Variants in NFIB observed in about 807,000 individuals in gnomAD.
NFIB encodes the protein nuclear factor 1 B-type.
Under a neutral mutation model 61.5 loss-of-function variants are expected in NFIB, and 11 were observed. The ratio of observed to expected loss-of-function variants is 0.18; its 90% CI spans 0.11 to 0.30. NFIB has a LOEUF of 0.30. Ranked by LOEUF, NFIB falls within the 10% of genes least tolerant of loss-of-function variation. NFIB has a pLI of 1.00. For synonymous variants in NFIB, 260 were observed against 216.5 expected (o/e 1.20, Z -1.76); for missense variants, 471 against 608.9 (o/e 0.77, Z 2.38).
At chr9:14,098,263 T>A (rs1302837331) in intron 10 of NFIB, among the ~76,000 whole-genome samples, 1 of 152,176 alleles carries the variant, frequency 6.6e-6, no homozygotes, top group Admixed American at 6.5e-5. Flanking sequence ...GAAGACTTCT[T>A]CTATGTTTAC....
At chr9:14,490,235 T>G in the NFIB span, among the ~76,000 whole-genome samples, 1 of 152,140 alleles carries the variant, frequency 6.6e-6, no homozygotes, top group African/African-American at 2.4e-5. Flanking sequence ...AGTGTTTTGA[T>G]TGATAGAGCA....
intron 3 of NFIB, among the ~76,000 whole-genome samples, chr9:14,168,704 T>G (rs534238583): frequency 6.6e-6 from 1 of 152,238 alleles, no homozygotes; most frequent in African/African-American, 2.4e-5. Flanking sequence ...CTACAGAGAT[T>G]AGGAAATGAT....
At chr9:14,088,356 G>A (rs1297717408) in intron 10 of NFIB, 30 bp from the exon 11 acceptor site, 3 of 1,463,828 alleles carry the variant, frequency 2.0e-6, no homozygotes, top group Admixed American at 2.2e-5. Context: ...AGCAGGGAGG[G>A]AAGAAAAAAG....
At chr9:14,358,039 AG>A (rs1409798438) in intron 1 of NFIB, 1 of 152,122 alleles carries the variant, frequency 6.6e-6, no homozygotes, top group Non-Finnish European at 1.5e-5. Context: ...GTTTCTTTTT[AG>A]GTTGATTAAA....
intron 1 of NFIB, among the ~76,000 whole-genome samples, chr9:14,320,969 C>T (rs2060645654): frequency 6.6e-6 from 1 of 152,082 alleles, no homozygotes; most frequent in Admixed American, 6.5e-5. Context: ...GAGATCTTGT[C>T]TGTCCTGTCT....
intron 2 of NFIB, among the ~76,000 whole-genome samples, chr9:14,201,390 T>C (rs1033464669): frequency 6.6e-6 from 1 of 152,200 alleles, no homozygotes; most frequent in Non-Finnish European, 1.5e-5. Flanking sequence ...CCTAATATTC[T>C]TCTTAACAGT....
chr9:14,229,471 A>C (rs1306454856), intron 2 of NFIB, among the ~76,000 whole-genome samples: 1 of 152,208 alleles, frequency 6.6e-6, no homozygotes, highest in Non-Finnish European at 1.5e-5. Context: ...ACATGTACTA[A>C]TTCTGGAATT....
chr9:14,134,825 G>C (rs1038691517), intron 6 of NFIB, among the ~76,000 whole-genome samples: 5 of 150,402 alleles, frequency 3.3e-5, no homozygotes, highest in African/African-American at 1.2e-4. Context: ...TTGAACCAGG[G>C]AGGTGGAGGT....
At chr9:14,192,975 C>T (rs1040404693) in intron 2 of NFIB, among the ~76,000 whole-genome samples, 2 of 151,830 alleles carry the variant, frequency 1.3e-5, no homozygotes, top group Non-Finnish European at 2.9e-5. Context: ...AATATAATAA[C>T]TTTTTTAAAA....
At chr9:14,464,360 T>C in the NFIB span, among the ~76,000 whole-genome samples, 1 of 152,152 alleles carries the variant, frequency 6.6e-6, no homozygotes, top group Admixed American at 6.5e-5. Context: ...GACATAGATA[T>C]ATTTTATTAT....
chr9:14,083,469 G>A lies in NFIB; in HGVS notation c.*4840C>T, dbSNP rs2032347514. On this transcript the variant is annotated 3_prime_UTR_variant, in exon 11 of 11. Coordinates refer to ENST00000380953, the MANE Select transcript of NFIB (RefSeq NM_001190737.2). Reference sequence around the variant, plus strand: ...GAGCTTTTACTATTGAACTTGAATAGCCTGCACATTAAAAAAAAAAAAAAA... The same window carrying A: ...GAGCTTTTACTATTGAACTTGAATAACCTGCACATTAAAAAAAAAAAAAAA... The A allele has an allele frequency of 5.8e-6, 1 of 173,406 alleles. No individual in the cohort carries two copies. Among genetic ancestry groups the A allele is most frequent in the Admixed American group, 8.1e-5 (1 of 12,282 alleles). The allele number at this position is 173,406 out of a possible 1,614,324, so 10.7% of individuals were successfully genotyped here.
chr9:14,147,193 G>A (rs1224747553), intron 5 of NFIB, among the ~76,000 whole-genome samples: 1 of 151,756 alleles, frequency 6.6e-6, no homozygotes, highest in Non-Finnish European at 1.5e-5. Flanking sequence ...AATAGCACTT[G>A]TCATTGACAA....
chr9:14,313,800 G>C lies in NFIB; in HGVS notation c.-289C>G, dbSNP rs984816861. ...GCTTGCCGAGGCCGCCGCCGCCGCCGGTGTTGGCTGCTTTTCGCCTGGGTT... is the reference window on the plus strand; with the variant it reads ...GCTTGCCGAGGCCGCCGCCGCCGCCCGTGTTGGCTGCTTTTCGCCTGGGTT... On this transcript the variant is annotated 5_prime_UTR_variant, in exon 1 of 11. Coordinates refer to ENST00000380953, the MANE Select transcript of NFIB (RefSeq NM_001190737.2). This position sits in a 1 kb window ranked among gnomAD's most constrained non-coding sequence, Gnocchi z 4.5. 3 of 1,330,724 alleles carry C rather than the reference G, an allele frequency of 2.3e-6. No individual in the cohort carries two copies. The highest frequency in any genetic ancestry group is 2.9e-6 in the Non-Finnish European group (3 of 1,040,534). 82.4% of individuals were successfully genotyped at this position (1,330,724 alleles called of 1,614,324 possible). A position where few individuals can be genotyped will look rare whatever the true frequency, so the allele number is the denominator to read the frequency against.
chr9:14,282,435 G>C (rs912298824), intron 2 of NFIB, among the ~76,000 whole-genome samples: 9 of 152,176 alleles, frequency 5.9e-5, no homozygotes, highest in Admixed American at 2.0e-4. Context: ...ATCAGTAACA[G>C]TAGAGATGTG....
chr9:14,379,072 A>C (rs903823961), intron 1 of NFIB, among the ~76,000 whole-genome samples: 1 of 152,232 alleles, frequency 6.6e-6, no homozygotes, highest in African/African-American at 2.4e-5. Flanking sequence ...TTGATGATGG[A>C]ATTACCTCAA....
chr9:14,180,576 T>C (rs193077728), intron 2 of NFIB: 1 of 152,392 alleles, frequency 6.6e-6, no homozygotes, highest in East Asian at 1.9e-4. Context: ...GATCTGACAC[T>C]GTTGTGTTTT....
rs1335304589 is a variant in NFIB at position 14,313,376 on chromosome 9, C to T, written c.30+106G>A. 5 of 1,518,454 alleles carry T rather than the reference C, an allele frequency of 3.3e-6. No homozygotes were observed. Among genetic ancestry groups the T allele is most frequent in the Non-Finnish European group, 2.7e-6 (3 of 1,105,332 alleles). 94.1% of individuals were successfully genotyped at this position (1,518,454 alleles called of 1,614,324 possible). A position where few individuals can be genotyped will look rare whatever the true frequency, so the allele number is the denominator to read the frequency against. On this transcript the variant is annotated intron_variant, in intron 1 of 10. Coordinates refer to ENST00000380953, the MANE Select transcript of NFIB (RefSeq NM_001190737.2). This position sits in a 1 kb window ranked among gnomAD's most constrained non-coding sequence, Gnocchi z 4.5. Reference sequence around the variant, plus strand: ...AACTCCGGGCCACTTCTCCAAGGGACGGGGATGTGCGGAGGTTAACTCAAG... The same window carrying T: ...AACTCCGGGCCACTTCTCCAAGGGATGGGGATGTGCGGAGGTTAACTCAAG...
At chr9:14,475,152 T>C in the NFIB span, among the ~76,000 whole-genome samples, 15 of 152,206 alleles carry the variant, frequency 9.9e-5, no homozygotes, top group South Asian at 3.1e-3. Flanking sequence ...GCTAATTTAA[T>C]CCTCATAAAA....
the NFIB span, among the ~76,000 whole-genome samples, chr9:14,428,101 G>A: frequency 6.6e-6 from 1 of 151,004 alleles, no homozygotes; most frequent in Admixed American, 6.6e-5. Flanking sequence ...ATATGCCACC[G>A]TACCTCGCTA....
Sources: gnomAD v4.1 joint callset for allele counts (sites outside exome capture counted in the v4.1 genomes callset) on GRCh38, gnomAD v4.1.1 for gene constraint, Gnocchi (gnomAD v3.1) non-coding constraint, MANE v1.5 for transcripts, NCBI Gene and HGNC (gene_info 2026-07-23, HGNC 2026-07-21) for gene names.